The following LHFPL6 variants were observed in gnomAD, a reference collection of about 807,000 sequenced individuals.
The protein encoded by LHFPL6 is LHFPL tetraspan subfamily member 6 protein.
In LHFPL6, 9 loss-of-function variants were observed where a neutral mutation model predicts 20.6. The ratio of observed to expected loss-of-function variants is 0.44; its 90% CI spans 0.26 to 0.76. The LOEUF (loss-of-function observed/expected upper bound fraction) is 0.76, where lower values mean the gene tolerates loss of function less well. Ranked by LOEUF, LHFPL6 falls within the 30% of genes least tolerant of loss-of-function variation. The pLI is 0.20. For missense variants in LHFPL6, 218 were observed against 253.5 expected, an observed-to-expected ratio of 0.86 and a Z score of 0.95; for synonymous variants, 105 against 98.7, an observed-to-expected ratio of 1.06 and a Z score of -0.38.
chr13:39,382,483 G>C (rs911645896), intron 2 of LHFPL6, among the ~76,000 whole-genome samples: 1 of 151,846 alleles, frequency 6.6e-6, no homozygotes, highest in Non-Finnish European at 1.5e-5. Flanking sequence ...GCTTACTCCT[G>C]GGTTCAAGTG....
At chr13:39,493,154 A>T (rs1039276261) in intron 2 of LHFPL6, among the ~76,000 whole-genome samples, 9 of 151,574 alleles carry the variant, frequency 5.9e-5, no homozygotes, top group Admixed American at 5.9e-4. Flanking sequence ...TTGACCTAGG[A>T]TCTCACTTTT....
rs1869289090 is a variant in LHFPL6, at chr13:39,343,035, T to C, written c.*901A>G. The C allele has an allele frequency of 5.1e-6, 1 of 196,488 alleles. No individual in the cohort carries two copies. The highest frequency in any genetic ancestry group is 8.0e-5 in the East Asian group (1 of 12,510). 12.2% of individuals were successfully genotyped at this position (196,488 alleles called of 1,614,324 possible). ...ACAAAAGAAAACACGATCCAATGAC[T>C]GGAAAATGTCTCTCATTACTCTCAT... On this transcript the variant is annotated 3_prime_UTR_variant, in exon 4 of 4. Coordinates refer to ENST00000379589, the MANE Select transcript of LHFPL6 (RefSeq NM_005780.3).
intron 2 of LHFPL6, among the ~76,000 whole-genome samples, chr13:39,429,882 A>G (rs1052612334): frequency 1.3e-5 from 2 of 152,216 alleles, no homozygotes; most frequent in Admixed American, 1.3e-4. Flanking sequence ...AGCATTTGAC[A>G]TATGTGATCA....
At chr13:39,507,396 C>G (rs1869522942) in intron 2 of LHFPL6, among the ~76,000 whole-genome samples, 1 of 152,168 alleles carries the variant, frequency 6.6e-6, no homozygotes, top group African/African-American at 2.4e-5. Context: ...GATAAACATT[C>G]TTGCTGCTTC....
chr13:39,553,749 G>A (rs955288421), intron 2 of LHFPL6, among the ~76,000 whole-genome samples: 33 of 152,138 alleles, frequency 2.2e-4, no homozygotes, highest in African/African-American at 7.5e-4. Flanking sequence ...CCAGGTGCAC[G>A]TTGGAATCCT....
intron 2 of LHFPL6, among the ~76,000 whole-genome samples, chr13:39,455,258 C>A (rs899061104): frequency 6.6e-6 from 1 of 152,124 alleles, no homozygotes; most frequent in African/African-American, 2.4e-5. Flanking sequence ...AATACTCCCC[C>A]TAAAGCAGCT....
At chr13:39,595,526 C>T (rs1291738533) in intron 2 of LHFPL6, among the ~76,000 whole-genome samples, 2 of 152,188 alleles carry the variant, frequency 1.3e-5, no homozygotes, top group Non-Finnish European at 2.9e-5. Flanking sequence ...CTCCTGGCCT[C>T]AGGTGATCGG....
chr13:39,510,529 G>C (rs992917145), intron 2 of LHFPL6, among the ~76,000 whole-genome samples: 9 of 152,212 alleles, frequency 5.9e-5, no homozygotes, highest in Admixed American at 5.9e-4. Context: ...GGGGATAGCA[G>C]ATGCCTGAGA....
chr13:39,354,493 A>G (rs989814761), intron 3 of LHFPL6, among the ~76,000 whole-genome samples: 1 of 152,234 alleles, frequency 6.6e-6, no homozygotes, highest in South Asian at 2.1e-4. Flanking sequence ...GGGTCTCCTT[A>G]CTTCCAAATG....
intron 2 of LHFPL6, among the ~76,000 whole-genome samples, chr13:39,504,292 C>G (rs1869396718): frequency 6.6e-6 from 1 of 152,112 alleles, no homozygotes; most frequent in Non-Finnish European, 1.5e-5. Flanking sequence ...ATTAGTAGAT[C>G]CAACATTATC....
intron 2 of LHFPL6, among the ~76,000 whole-genome samples, chr13:39,399,902 T>C (rs1269195896): frequency 1.3e-5 from 2 of 152,128 alleles, no homozygotes; most frequent in African/African-American, 4.8e-5. Flanking sequence ...GAGGCCAGCC[T>C]GACCAATATG....
intron 2 of LHFPL6, among the ~76,000 whole-genome samples, chr13:39,417,136 G>A (rs1044165377): frequency 6.6e-6 from 1 of 152,168 alleles, no homozygotes. Context: ...AGTGTCCAGT[G>A]TCTTTTCTCT....
At chr13:39,486,321 G>A (rs1219439575) in intron 2 of LHFPL6, among the ~76,000 whole-genome samples, 1 of 152,134 alleles carries the variant, frequency 6.6e-6, no homozygotes, top group African/African-American at 2.4e-5. Flanking sequence ...TTCCACAGAA[G>A]GGCTAGCTGC....
At chr13:39,526,263 C>T (rs1487465117) in intron 2 of LHFPL6, among the ~76,000 whole-genome samples, 1 of 152,084 alleles carries the variant, frequency 6.6e-6, no homozygotes, top group African/African-American at 2.4e-5. Flanking sequence ...TGATCTGAAA[C>T]GAACTGAACT....
chr13:39,344,892 T>A (rs1450550401), intron 3 of LHFPL6, among the ~76,000 whole-genome samples: 1 of 152,224 alleles, frequency 6.6e-6, no homozygotes, highest in Non-Finnish European at 1.5e-5. Flanking sequence ...AGGGCTCAAA[T>A]CTGGGTTCTA....
intron 2 of LHFPL6, among the ~76,000 whole-genome samples, chr13:39,587,416 GC>G (rs1278926130): frequency 1.3e-5 from 2 of 152,052 alleles, no homozygotes; most frequent in Non-Finnish European, 2.9e-5. Context: ...GTGACGCCTT[GC>G]CAGTCACAAT....
At chr13:39,415,650 C>A (rs1387875686) in intron 2 of LHFPL6, among the ~76,000 whole-genome samples, 1 of 152,146 alleles carries the variant, frequency 6.6e-6, no homozygotes, top group Non-Finnish European at 1.5e-5. Flanking sequence ...TATCTTTGCT[C>A]CCCTTGGCAG....
chr13:39,527,463 T>C (rs1016951295), intron 2 of LHFPL6, among the ~76,000 whole-genome samples: 4 of 150,936 alleles, frequency 2.7e-5, no homozygotes, highest in African/African-American at 9.8e-5. Flanking sequence ...CTGTCTCCTG[T>C]CCATCTTTGA....
At chr13:39,467,306 T>C (rs1872828483) in intron 2 of LHFPL6, among the ~76,000 whole-genome samples, 2 of 152,190 alleles carry the variant, frequency 1.3e-5, no homozygotes, top group African/African-American at 2.4e-5. Context: ...TCATACACAT[T>C]TGCTGAATGA....
Sources: gnomAD v4.1 joint callset for allele counts (sites outside exome capture counted in the v4.1 genomes callset) on GRCh38, gnomAD v4.1.1 for gene constraint, MANE v1.5 for transcripts, NCBI Gene and HGNC (gene_info 2026-07-23, HGNC 2026-07-21) for gene names.